UMODL1: variants seen among roughly 807,000 people sequenced by gnomAD.
UMODL1 encodes uromodulin-like 1.
In UMODL1, 128 loss-of-function variants were observed where a neutral mutation model predicts 136.3. The observed-to-expected ratio is 0.94, with a 90% CI of 0.81 to 1.09. The LOEUF is 1.09. Ranked by LOEUF, UMODL1 falls within the 50% of genes least tolerant of loss-of-function variation. The pLI is 0.00. For synonymous variants in UMODL1, 721 were observed against 720.0 expected (o/e 1.00, Z -0.02); for missense variants, 1,766 against 1,725.6 (o/e 1.02, Z -0.41).
At chr21:42,075,243 G>GC (rs1555917881) in intron 1 of UMODL1, among the ~76,000 whole-genome samples, 20 of 49,036 alleles carry the variant, frequency 4.1e-4, no homozygotes, top group Admixed American at 6.5e-4. Context: ...GCTGGAGATG[G>GC]GGGGGGGGTT....
intron 21 of UMODL1, among the ~76,000 whole-genome samples, chr21:42,134,770 A>G (rs2066651141): frequency 7.3e-6 from 1 of 137,336 alleles, no homozygotes; most frequent in Admixed American, 7.7e-5. Flanking sequence ...GCGCACTACC[A>G]AGTCTGGCTA....
At chr21:42,133,193 C>T (rs1456488461) in intron 21 of UMODL1, among the ~76,000 whole-genome samples, 1 of 152,206 alleles carries the variant, frequency 6.6e-6, no homozygotes, top group Non-Finnish European at 1.5e-5. Flanking sequence ...TTAACAGAAA[C>T]ACTGTTGGAG....
rs2066422531 is a variant in UMODL1 at position 42,086,000 on chromosome 21, G to A, written c.603+588G>A. ...ACAAACACCCTGGCTGACCCTTGCTGATGACACAGGTCATGCTTTCTGGCC... is the reference window on the plus strand; with the variant it reads ...ACAAACACCCTGGCTGACCCTTGCTAATGACACAGGTCATGCTTTCTGGCC... On this transcript the variant is annotated intron_variant, in intron 4 of 22. Coordinates refer to ENST00000408910, the MANE Select transcript of UMODL1 (RefSeq NM_001004416.3). This position sits in a 1 kb window ranked among gnomAD's most constrained non-coding sequence, Gnocchi z 4.5. Among the ~76,000 whole-genome samples the A allele has an allele frequency of 6.6e-6, 1 of 152,222 alleles. No individual in the cohort carries two copies. Among genetic ancestry groups the A allele is most frequent in the Non-Finnish European group, 1.5e-5 (1 of 68,046 alleles).
At chr21:42,105,091 G>A (rs986944850) in intron 9 of UMODL1, among the ~76,000 whole-genome samples, 25 of 152,308 alleles carry the variant, frequency 1.6e-4, no homozygotes, top group African/African-American at 5.8e-4. Context: ...GGAAGAACTG[G>A]GTTGGGTGTG....
At chr21:42,127,863 T>C in intron 20 of UMODL1, 32 bp downstream of exon 20, 1 of 1,608,964 alleles carries the variant, frequency 6.2e-7, no homozygotes, top group African/African-American at 1.3e-5. Flanking sequence ...AAACGTTTGG[T>C]TGGATTCACG....
At position 42,088,339 on chromosome 21, in the gene UMODL1, C is replaced by T. The variant is rs745622088; in HGVS notation, c.649C>T (p.His217Tyr). The T allele has an allele frequency of 3.7e-6, 6 of 1,613,810 alleles. No individual in the cohort carries two copies. The highest frequency in any genetic ancestry group is 5.1e-6 in the Non-Finnish European group (6 of 1,180,006). Residue 217 changes from histidine (H) to tyrosine (Y), a missense_variant, in exon 5 of 23, where the codon CAC becomes TAC. By Grantham distance (83) the His-to-Tyr change is moderately conservative (BLOSUM62 2). Transcript: ENST00000408910. ...AATGGCCTCCACCGTCCACCACCTG[C>T]ACTCAGCCCCTGGGAACGCCTCCAC... ...QPMASTVHHL[H>Y]SAPGNASTTV... is the part of the protein sequence containing the mutation.
chr21:42,112,342 T>C (rs1601241852), intron 12 of UMODL1, among the ~76,000 whole-genome samples: 1 of 151,152 alleles, frequency 6.6e-6, no homozygotes, highest in East Asian at 2.0e-4. Context: ...AGCTGTTCTA[T>C]ATGCCCCAGA....
Position 42,123,111 on chromosome 21 carries a change from G to C in UMODL1, c.3108G>C (p.Leu1036=). The C allele has an allele frequency of 6.2e-7, 1 of 1,613,998 alleles. No individual in the cohort carries two copies. The highest frequency in any genetic ancestry group is 1.6e-4 in the Middle Eastern group (1 of 6,062). ...ACAGCAATGGCACACACGTGCTCCTGGAGGCCGGCTGGAGCGAGTGTGGGA... is the reference window on the plus strand; with the variant it reads ...ACAGCAATGGCACACACGTGCTCCTCGAGGCCGGCTGGAGCGAGTGTGGGA... The part of the protein sequence containing the change: ...VSHSNGTHVL[L]EAGWSECGTL... The change falls in exon 17 of 23, where the codon CTG becomes CTC. Residue 1036 remains leucine (L), a synonymous_variant. Coordinates refer to ENST00000408910, the MANE Select transcript of UMODL1 (RefSeq NM_001004416.3). The surrounding 1 kb of genome is among the most constrained non-coding windows in gnomAD (Gnocchi z 4.4).
chr21:42,128,410 CA>C (rs1395531679), intron 20 of UMODL1, among the ~76,000 whole-genome samples: 3 of 152,226 alleles, frequency 2.0e-5, no homozygotes, highest in African/African-American at 7.2e-5. Context: ...TTGTCTGAGG[CA>C]GGGGACAGCT....
At chr21:42,137,010 C>T (rs1228538706) in intron 21 of UMODL1, among the ~76,000 whole-genome samples, 1 of 152,212 alleles carries the variant, frequency 6.6e-6, no homozygotes, top group Admixed American at 6.5e-5. Flanking sequence ...CCCGCCTCAG[C>T]CCCGCAAAGT....
intron 14 of UMODL1, among the ~76,000 whole-genome samples, chr21:42,117,390 C>T (rs1303234547): frequency 2.6e-5 from 4 of 152,240 alleles, no homozygotes; most frequent in Non-Finnish European, 5.9e-5. Flanking sequence ...CTGCAATGCC[C>T]CTGCCTCAGA....
intron 1 of UMODL1, among the ~76,000 whole-genome samples, chr21:42,065,003 CT>C (rs1601160930): frequency 6.6e-6 from 1 of 152,148 alleles, no homozygotes; most frequent in Non-Finnish European, 1.5e-5. Context: ...TTTGAAAATC[CT>C]TGCGGCTGGG....
At position 42,090,284 on chromosome 21, in the gene UMODL1, C is replaced by G. The variant is rs757377497; in HGVS notation, c.791-14C>G. On this transcript the variant is annotated splice_polypyrimidine_tract_variant and intron_variant, in intron 5 of 22. Transcript: ENST00000408910. ...GCGACTGCTGAGTGTGGGTCCTGCTCTCCTTCCCTGTAGATGTCAATGAGT... is the reference window on the plus strand; with the variant it reads ...GCGACTGCTGAGTGTGGGTCCTGCTGTCCTTCCCTGTAGATGTCAATGAGT... The G allele has an allele frequency of 1.9e-6, 3 of 1,613,958 alleles. No individual in the cohort carries two copies. In the African/African-American group the frequency reaches 4.0e-5, roughly 22 times the overall value.
rs1555922532 is a variant in UMODL1, at chr21:42,095,089, G to GGTTTTTTTTTTTTTTTTTTTT, written c.932-3837_932-3836insGTTTTTTTTTTTTTTTTTTTT. Among the ~76,000 whole-genome samples, 52 of 61,208 alleles carry GGTTTTTTTTTTTTTTTTTTTT rather than the reference G, an allele frequency of 8.5e-4. 8 individuals carry two copies. Among genetic ancestry groups the GGTTTTTTTTTTTTTTTTTTTT allele is most frequent in the African/African-American group, 1.0e-3 (16 of 15,896 alleles). The allele number at this position is 61,208 out of a possible 152,430, so 40.2% of individuals were successfully genotyped here. Reference sequence around the variant, plus strand: ...CATCACTCCTTTGTTTTCTTCTGCTGTTTTTTTTTTTTTTTTTTTTTTTGA... The same window carrying GGTTTTTTTTTTTTTTTTTTTT: ...CATCACTCCTTTGTTTTCTTCTGCTGGTTTTTTTTTTTTTTTTTTTTTTTTTTTTTTTTTTTTTTTTTTTGA... On this transcript the variant is annotated intron_variant, in intron 6 of 22. Coordinates refer to ENST00000408910, the MANE Select transcript of UMODL1 (RefSeq NM_001004416.3).
At chr21:42,132,900 G>A (rs1256041728) in intron 21 of UMODL1, among the ~76,000 whole-genome samples, 1 of 152,148 alleles carries the variant, frequency 6.6e-6, no homozygotes, top group Non-Finnish European at 1.5e-5. Flanking sequence ...ACTTCATAAA[G>A]AGCCTGGCCC....
At position 42,128,893 on chromosome 21, in the gene UMODL1, C is replaced by T. The variant is rs75393397; in HGVS notation, c.3691-820C>T. 4.7e-3 allele frequency among the ~76,000 whole-genome samples: 720 copies of T among 152,280 alleles called. 6 individuals are homozygous for T. The highest frequency in any genetic ancestry group is 0.016 in the African/African-American group (674 of 41,554). The stretch of plus-strand genomic sequence containing the variant: ...CTGTAGGAACGTACCACAAACTGAG[C>T]GGCTTAAACAGTGGAAACTTATTGT... On this transcript the variant is annotated intron_variant, in intron 20 of 22. Coordinates refer to ENST00000408910, the MANE Select transcript of UMODL1 (RefSeq NM_001004416.3).
chr21:42,095,112 T>TTTTTTTTTTTTTTTTA (rs1601205271), intron 6 of UMODL1, among the ~76,000 whole-genome samples: 1 of 144,372 alleles, frequency 6.9e-6, no homozygotes, highest in Admixed American at 7.0e-5. Flanking sequence ...TTTTTTTTTT[T>TTTTTTTTTTTTTTTTA]GAGACAGGGT....
intron 6 of UMODL1, chr21:42,093,993 C>T: frequency 4.4e-6 from 2 of 455,642 alleles, no homozygotes; most frequent in South Asian, 3.1e-5. Context: ...AGAATCCTGT[C>T]CCTTTCGTGA....
Position 42,085,348 on chromosome 21 carries a change from A to T in UMODL1, c.539A>T (p.Asp180Val), listed in dbSNP as rs1412817926. 1 of 1,614,028 alleles carries T rather than the reference A, an allele frequency of 6.2e-7. No individual in the cohort carries two copies. ...AACGTCACCATACTGGTGAAAATGG[A>T]CTTCAAGGAACTCCAGCAAGTGGAC... ...WYNVTILVKMDFKELQQVDPR... is the reference protein window; with the variant it reads ...WYNVTILVKMVFKELQQVDPR... The change falls in exon 4 of 23, where the codon GAC (aspartate) becomes GTC (valine). Residue 180 changes from aspartate (D) to valine (V), a missense_variant. Coordinates refer to ENST00000408910, the MANE Select transcript of UMODL1 (RefSeq NM_001004416.3). The surrounding 1 kb of genome is among the most constrained non-coding windows in gnomAD (Gnocchi z 4.5).
Sources: allele counts gnomAD v4.1 joint callset (sites outside exome capture counted in the v4.1 genomes callset), GRCh38; gene constraint gnomAD v4.1.1; non-coding constraint Gnocchi (gnomAD v3.1); transcripts MANE v1.5; gene names NCBI Gene and HGNC (gene_info 2026-07-23, HGNC 2026-07-21).